Variants in AGMO observed in about 807,000 individuals in gnomAD.
AGMO encodes the protein alkylglycerol monooxygenase, also known as glyceryl-ether monooxygenase.
AGMO carries 75 observed loss-of-function variants against 60.2 expected under a neutral mutation model. That is an observed-to-expected ratio of 1.25 (90% CI 1.03 to 1.51). The LOEUF (loss-of-function observed/expected upper bound fraction) is 1.51, where lower values mean the gene tolerates loss of function less well. Among genes scored for constraint, AGMO ranks in the 40% most tolerant of loss-of-function variants. AGMO has a pLI of 0.00. For synonymous variants in AGMO, 261 were observed against 177.1 expected (o/e 1.47, Z -3.76); for missense variants, 763 against 525.5 (o/e 1.45, Z -4.42).
chr7:15,146,263 A>T, the AGMO span, among the ~76,000 whole-genome samples: 1 of 152,174 alleles, frequency 6.6e-6, no homozygotes, highest in Admixed American at 6.5e-5. Flanking sequence ...ATATTTTCTT[A>T]TTGTAAATTT....
chr7:15,397,909 G>A (rs1326642338), intron 5 of AGMO, among the ~76,000 whole-genome samples: 3 of 152,122 alleles, frequency 2.0e-5, no homozygotes, highest in African/African-American at 7.2e-5. Flanking sequence ...GTATTTTATT[G>A]GACTATATTG....
chr7:15,388,157 C>T (rs191145138), intron 8 of AGMO, among the ~76,000 whole-genome samples: 88 of 152,034 alleles, frequency 5.8e-4, no homozygotes, highest in Admixed American at 5.0e-3. Context: ...TGAGTTGAAC[C>T]ATTAAGATTA....
chr7:15,136,092 C>T, the AGMO span, among the ~76,000 whole-genome samples: 1 of 149,234 alleles, frequency 6.7e-6, no homozygotes, highest in Admixed American at 6.8e-5. Flanking sequence ...CTCCTGGGTT[C>T]AAGCGATTCT....
chr7:15,173,308 A>G, the AGMO span, among the ~76,000 whole-genome samples: 1 of 152,186 alleles, frequency 6.6e-6, no homozygotes, highest in African/African-American at 2.4e-5. Context: ...ATTTCTTGAA[A>G]ACAAAAACAA....
intron 3 of AGMO, among the ~76,000 whole-genome samples, chr7:15,531,374 T>C (rs1156587123): frequency 2.3e-5 from 2 of 87,576 alleles, no homozygotes; most frequent in African/African-American, 5.8e-5. Context: ...ATATATTCTA[T>C]ATATATTCTA....
At chr7:15,353,248 T>A (rs1255767145) in intron 12 of AGMO, among the ~76,000 whole-genome samples, 1 of 152,290 alleles carries the variant, frequency 6.6e-6, no homozygotes, top group East Asian at 1.9e-4. Flanking sequence ...CATGTAATAA[T>A]AGGACAGCCA....
chr7:15,286,465 T>C (rs907658533), intron 12 of AGMO, among the ~76,000 whole-genome samples: 4 of 151,796 alleles, frequency 2.6e-5, no homozygotes, highest in Admixed American at 2.0e-4. Context: ...AACAAATATA[T>C]CAAAAAATGC....
intron 3 of AGMO, among the ~76,000 whole-genome samples, chr7:15,461,853 T>A (rs1022557325): frequency 6.6e-6 from 1 of 152,162 alleles, no homozygotes. Flanking sequence ...AATACTGTTT[T>A]GTGGTTATAT....
chr7:15,274,542 T>C (rs80180306), intron 12 of AGMO, among the ~76,000 whole-genome samples: 1 of 152,002 alleles, frequency 6.6e-6, no homozygotes, highest in Non-Finnish European at 1.5e-5. Context: ...TTATTTTGTG[T>C]TGTTGTGTCC....
intron 6 of AGMO, among the ~76,000 whole-genome samples, chr7:15,392,233 C>T (rs55821612): frequency 0.26 from 39,924 of 151,066 alleles, 5,685 homozygotes; most frequent in Middle Eastern, 0.39. Flanking sequence ...CTATACCCGG[C>T]TAATTTTTCT....
chr7:15,190,947 T>C, the AGMO span, among the ~76,000 whole-genome samples: 2 of 152,052 alleles, frequency 1.3e-5, no homozygotes, highest in Admixed American at 1.3e-4. Context: ...GGGTCACACA[T>C]CTAGTAAGTG....
chr7:15,312,688 GT>G (rs773802867), intron 12 of AGMO, among the ~76,000 whole-genome samples: 1 of 151,830 alleles, frequency 6.6e-6, no homozygotes, highest in East Asian at 1.9e-4. Flanking sequence ...AAAGAATTTT[GT>G]TTTTTCCCCC....
At chr7:15,217,793 C>A (rs1781787802) in intron 12 of AGMO, among the ~76,000 whole-genome samples, 1 of 151,708 alleles carries the variant, frequency 6.6e-6, no homozygotes, top group Admixed American at 6.6e-5. Context: ...GAGGAAATAA[C>A]AATAGAAAGC....
At chr7:15,394,403 G>A (rs1583502204) in intron 5 of AGMO, among the ~76,000 whole-genome samples, 1 of 152,120 alleles carries the variant, frequency 6.6e-6, no homozygotes, top group Non-Finnish European at 1.5e-5. Context: ...TGGTGTCGTG[G>A]TTAAGAGCTA....
At chr7:15,492,314 G>A (rs998520569) in intron 3 of AGMO, among the ~76,000 whole-genome samples, 10 of 147,926 alleles carry the variant, frequency 6.8e-5, no homozygotes, top group African/African-American at 2.5e-4. Context: ...ATGGGTAAAT[G>A]GAACCGATTG....
the AGMO span, among the ~76,000 whole-genome samples, chr7:15,184,321 GGGAAGGAGGAA>G: frequency 2.1e-5 from 2 of 94,492 alleles, no homozygotes; most frequent in Non-Finnish European, 4.2e-5. Flanking sequence ...GAGGGAAGGA[GGGAAGGAGGAA>G]GGAAGGAAGG....
chr7:15,387,331 G>A (rs4541808), intron 9 of AGMO, 75 bp downstream of exon 9: 752,823 of 1,498,204 alleles, frequency 0.5, 191,171 homozygotes, highest in Middle Eastern at 0.62. Context: ...TGAAAACAGC[G>A]TATGTACAGG....
chr7:15,391,740 T>A (rs1348617665), intron 6 of AGMO, among the ~76,000 whole-genome samples: 2 of 152,278 alleles, frequency 1.3e-5, no homozygotes, highest in East Asian at 1.9e-4. Context: ...GCTATATACA[T>A]GCTTTAAATA....
At chr7:15,480,132 A>G (rs967085307) in intron 3 of AGMO, among the ~76,000 whole-genome samples, 1 of 152,190 alleles carries the variant, frequency 6.6e-6, no homozygotes, top group East Asian at 1.9e-4. Flanking sequence ...GAAGAATCTG[A>G]GGCAGTAGTT....
Sources: allele counts gnomAD v4.1 joint callset (sites outside exome capture counted in the v4.1 genomes callset), GRCh38; gene constraint gnomAD v4.1.1; transcripts MANE v1.5; gene names NCBI Gene and HGNC (gene_info 2026-07-23, HGNC 2026-07-21).